ZFHX3: variants seen among roughly 807,000 people sequenced by gnomAD.
ZFHX3 encodes zinc finger homeobox 3.
Under a neutral mutation model 279.1 loss-of-function variants are expected in ZFHX3, and 42 were observed. The ratio of observed to expected loss-of-function variants is 0.15; its 90% confidence interval spans 0.12 to 0.19. The LOEUF is 0.19. Ranked by LOEUF, ZFHX3 falls within the 10% of genes least tolerant of loss-of-function variation. The probability of loss-of-function intolerance (pLI) is 1.00; values close to 1 mark genes in which losing one functional copy is unlikely to be tolerated. For synonymous variants in ZFHX3, 2,293 were observed against 1,957.8 expected (o/e 1.17, Z -4.52); for missense variants, 4,981 against 4,754.0 (o/e 1.05, Z -1.40).
chr16:73,586,134 A>C (rs2051923627), intron 2 of ZFHX3, among the ~76,000 whole-genome samples: 1 of 152,150 alleles, frequency 6.6e-6, no homozygotes, highest in South Asian at 2.1e-4. Context: ...CAAACCTATA[A>C]TCCCAGCACT....
At chr16:73,418,020 G>C (rs1215265158) in intron 3 of ZFHX3, among the ~76,000 whole-genome samples, 1 of 134,466 alleles carries the variant, frequency 7.4e-6, no homozygotes, top group African/African-American at 2.8e-5. Context: ...AAAGGAAAAA[G>C]AAAAGGCTGT....
intron 1 of ZFHX3, chr16:73,006,081 T>A (rs1243716616): frequency 4.6e-5 from 7 of 152,250 alleles, no homozygotes; most frequent in Non-Finnish European, 1.0e-4. Context: ...ATTTTCTTTG[T>A]TTCTTTTTAA....
At chr16:73,137,388 G>A (rs1597174995) in intron 6 of ZFHX3, 1 of 152,226 alleles carries the variant, frequency 6.6e-6, no homozygotes, top group African/African-American at 2.4e-5. Context: ...TTCAGTTCCT[G>A]AACTCAGTAA....
intron 3 of ZFHX3, among the ~76,000 whole-genome samples, chr16:73,322,597 A>C (rs992421485): frequency 2.0e-5 from 3 of 152,162 alleles, no homozygotes; most frequent in Non-Finnish European, 2.9e-5. Context: ...TTGGCTTGGG[A>C]AGTGTTTTTG....
chr16:73,763,921 G>T (rs368004), intron 1 of ZFHX3, among the ~76,000 whole-genome samples: 2 of 134,854 alleles, frequency 1.5e-5, no homozygotes, highest in Admixed American at 1.6e-4. Context: ...CCAGGGGCAG[G>T]GGGTGGGAGG....
At chr16:73,229,225 T>G (rs2012696730) in intron 5 of ZFHX3, among the ~76,000 whole-genome samples, 1 of 152,198 alleles carries the variant, frequency 6.6e-6, no homozygotes, top group African/African-American at 2.4e-5. Context: ...AACTGGGGAT[T>G]CTGTCTTAAA....
intron 4 of ZFHX3, among the ~76,000 whole-genome samples, chr16:73,289,625 TC>T (rs961123933): frequency 2.0e-5 from 3 of 151,902 alleles, no homozygotes; most frequent in African/African-American, 4.8e-5. Context: ...TTGAGTGCCA[TC>T]CCCAAGCAGG....
At chr16:73,416,834 A>G (rs560004240) in intron 3 of ZFHX3, among the ~76,000 whole-genome samples, 1 of 151,566 alleles carries the variant, frequency 6.6e-6, no homozygotes, top group Admixed American at 6.6e-5. Flanking sequence ...AGATCGCGCC[A>G]CTGCACTCCA....
chr16:73,563,597 G>A (rs1597000647), intron 2 of ZFHX3, among the ~76,000 whole-genome samples: 1 of 152,090 alleles, frequency 6.6e-6, no homozygotes, highest in Non-Finnish European at 1.5e-5. Context: ...GATGTGATTG[G>A]TTCCTGCCTG....
chr16:73,033,748 T>G (rs1029771831), intron 1 of ZFHX3, among the ~76,000 whole-genome samples: 1 of 152,130 alleles, frequency 6.6e-6, no homozygotes, highest in Admixed American at 6.5e-5. Context: ...CTTCTCAGCT[T>G]ACCAGGGGCA....
chr16:73,516,226 T>A (rs1409331546), intron 2 of ZFHX3, among the ~76,000 whole-genome samples: 2 of 152,134 alleles, frequency 1.3e-5, no homozygotes, highest in East Asian at 3.9e-4. Flanking sequence ...CCTCTTAGAG[T>A]TGGGGCTGCA....
chr16:72,961,708 G>A (rs1316608641), intron 1 of ZFHX3, among the ~76,000 whole-genome samples: 1 of 152,054 alleles, frequency 6.6e-6, no homozygotes, highest in Non-Finnish European at 1.5e-5. Flanking sequence ...GGGAAGGCAG[G>A]TTTACCAGAA....
intron 4 of ZFHX3, among the ~76,000 whole-genome samples, chr16:72,861,123 T>C (rs912809064): frequency 6.6e-6 from 1 of 152,232 alleles, no homozygotes; most frequent in African/African-American, 2.4e-5. Flanking sequence ...CTGTGTCCCC[T>C]GTGCTGTGTT....
Position 73,287,675 on chromosome 16 carries a change from G to T in ZFHX3, c.-1193-30539C>A, listed in dbSNP as rs540034264. On this transcript the variant is annotated intron_variant, in intron 4 of 17. Coordinates refer to the ZFHX3 transcript ENST00000641206. The stretch of plus-strand genomic sequence containing the variant: ...GGGTTGGTGAGTGGCTATGTGGGTT[G>T]ATGTGTGCGTGTGTGGCTGTGTGGC... 1.2e-4 allele frequency among the ~76,000 whole-genome samples: 17 copies of T among 139,952 alleles called. No homozygotes were observed. The South Asian group carries it at 3.6e-3, about 29-fold the overall frequency. 91.8% of individuals were successfully genotyped at this position (139,952 alleles called of 152,430 possible). A position where few individuals can be genotyped will look rare whatever the true frequency, so the allele number is the denominator to read the frequency against.
At chr16:73,101,395 T>C (rs951934686) in intron 7 of ZFHX3, among the ~76,000 whole-genome samples, 17 of 152,116 alleles carry the variant, frequency 1.1e-4, no homozygotes, top group African/African-American at 3.9e-4. Flanking sequence ...TGCTCCCCTT[T>C]TGAGATGGAG....
In ZFHX3 at chr16:72,787,541, G is replaced by C; in HGVS notation, c.10735C>G (p.Pro3579Ala). The stretch of plus-strand genomic sequence containing the variant: ...GAGGTAGATGCGGTGCTAGGATCGG[G>C]GAAGCAGGCAGAGTGAGGTAATAAA... ...PSLLPHSACF[P>A]DPSTASTSQS... Residue 3579 changes from proline (P) to alanine (A), a missense_variant, in exon 10 of 10, where the codon CCC (proline) becomes GCC (alanine). Coordinates refer to ENST00000268489, the MANE Select transcript of ZFHX3 (RefSeq NM_006885.4). 2.5e-6 allele frequency: 4 copies of C among 1,614,064 alleles called. No homozygotes were observed. Among genetic ancestry groups the C allele is most frequent in the Non-Finnish European group, 3.4e-6 (4 of 1,179,990 alleles).
chr16:73,806,885 G>A (rs866796024), intron 1 of ZFHX3, among the ~76,000 whole-genome samples: 2 of 152,090 alleles, frequency 1.3e-5, no homozygotes, highest in African/African-American at 2.4e-5. Context: ...TGAACTAGAC[G>A]GAATCCATCA....
intron 5 of ZFHX3, among the ~76,000 whole-genome samples, chr16:72,817,305 TAA>T (rs1175814941): frequency 6.6e-6 from 1 of 152,158 alleles, no homozygotes; most frequent in African/African-American, 2.4e-5. Context: ...ACAGAAAACT[TAA>T]GAGTTGTGCT....
intron 2 of ZFHX3, among the ~76,000 whole-genome samples, chr16:73,575,879 C>T (rs2143814219): frequency 6.6e-6 from 1 of 152,232 alleles, no homozygotes; most frequent in Non-Finnish European, 1.5e-5. Context: ...GACCAGTTCA[C>T]ACCGCGATGA....
Sources: gnomAD v4.1 joint callset for allele counts (sites outside exome capture counted in the v4.1 genomes callset) on GRCh38, gnomAD v4.1.1 for gene constraint, MANE v1.5 for transcripts, NCBI Gene and HGNC (gene_info 2026-07-23, HGNC 2026-07-21) for gene names.